Variants in ESS2 observed in about 807,000 individuals in gnomAD.
ESS2 encodes splicing factor ESS-2 homolog.
In ESS2, 31 loss-of-function variants were observed where a neutral mutation model predicts 52.0. The observed-to-expected ratio is 0.60, with a 90% CI of 0.45 to 0.81. The LOEUF (loss-of-function observed/expected upper bound fraction) is 0.81, where lower values mean the gene tolerates loss of function less well. ESS2 is among the 30% of genes least tolerant of loss of function. The pLI is 0.00. For missense variants in ESS2, 602 were observed against 637.2 expected (o/e 0.94, Z 0.59); for synonymous variants, 285 against 259.2 (o/e 1.10, Z -0.95).
At chr22:19,136,538 T>G (rs2083585392) in intron 8 of ESS2, among the ~76,000 whole-genome samples, 1 of 152,192 alleles carries the variant, frequency 6.6e-6, no homozygotes, top group Admixed American at 6.5e-5. Flanking sequence ...GCCATCTTTA[T>G]CGGGCCCCAA....
At chr22:19,144,128 G>C (rs750065229) in intron 1 of ESS2, 10 of 1,041,528 alleles carry the variant, frequency 9.6e-6, no homozygotes, top group Non-Finnish European at 1.0e-5. Context: ...ACTCACTCGA[G>C]ATGCTGTCAC....
At chr22:19,139,573 C>T (rs752799470) in intron 5 of ESS2, 39 bp downstream of exon 5, 14 of 1,575,540 alleles carry the variant, frequency 8.9e-6, no homozygotes, top group Non-Finnish European at 1.1e-5. Context: ...ACAGCTCTAC[C>T]CAACACCTCC....
Position 19,130,837 on chromosome 22 carries a change from G to T in ESS2, c.*3359C>A. 5.3e-6 allele frequency: 1 copy of T among 190,114 alleles called. No individual in the cohort carries two copies. The highest frequency in any genetic ancestry group is 1.1e-5 in the Non-Finnish European group (1 of 92,742). The allele number at this position is 190,114 out of a possible 1,614,324, so 11.8% of individuals were successfully genotyped here. A position where few individuals can be genotyped will look rare whatever the true frequency, so the allele number is the denominator to read the frequency against. ...TGGTAAGGCAGTGCTGTGGAAATCT[G>T]TCTGTGTAACTGGGGTGCTATGCAG... On this transcript the variant is annotated 3_prime_UTR_variant, in exon 10 of 10. Coordinates refer to ENST00000252137, the MANE Select transcript of ESS2 (RefSeq NM_022719.3).
intron 3 of ESS2, among the ~76,000 whole-genome samples, chr22:19,140,596 C>G (rs940154461): frequency 6.6e-6 from 1 of 151,074 alleles, no homozygotes; most frequent in Admixed American, 6.6e-5. Flanking sequence ...CCCCAAACAC[C>G]CCCCCCTCCG....
At position 19,142,524 on chromosome 22, in the gene ESS2, G is replaced by A. The variant is rs2146107847; in HGVS notation, c.400+14C>T. ...ATCCTGACCATGTGACTTAAAGAGG[G>A]CACCCTCACTCACCATCCTCCAGGC... On this transcript the variant is annotated intron_variant, in intron 3 of 9. Coordinates refer to ENST00000252137, the MANE Select transcript of ESS2 (RefSeq NM_022719.3). 1.9e-6 allele frequency: 3 copies of A among 1,585,758 alleles called. No individual in the cohort carries two copies. Among genetic ancestry groups the A allele is most frequent in the Non-Finnish European group, 2.6e-6 (3 of 1,168,442 alleles).
In ESS2 at chr22:19,142,856, A is replaced by G. The variant is rs779985037; in HGVS notation, c.174T>C (p.Asp58=). 4 of 1,614,014 alleles carry G rather than the reference A, an allele frequency of 2.5e-6. No individual in the cohort carries two copies. The highest frequency in any genetic ancestry group is 2.2e-5 in the East Asian group (1 of 44,876). ...CCTTCTGTGCCTGGAGCTTCTCCAC[A>G]TCAGGAAAGAAATCCCTTTGGATGA... The part of the protein sequence containing the change: ...QTVIQRDFFP[D]VEKLQAQKEY... The change falls in exon 2 of 10, where the codon GAT becomes GAC. Residue 58 remains aspartate, a synonymous_variant. Coordinates refer to ENST00000252137, the MANE Select transcript of ESS2 (RefSeq NM_022719.3).
At chr22:19,134,545 T>C in intron 9 of ESS2, 70 bp from the exon 10 acceptor site, 4 of 1,442,906 alleles carry the variant, frequency 2.8e-6, no homozygotes, top group Middle Eastern at 2.3e-4. Flanking sequence ...AGGGCCTCCC[T>C]TGGCTCCCAG....
chr22:19,135,304 C>T, intron 8 of ESS2, 129 bp from the exon 9 acceptor site: 1 of 695,838 alleles, frequency 1.4e-6, no homozygotes, highest in Non-Finnish European at 2.4e-6. Flanking sequence ...CAACCCATCA[C>T]CTCCCACTAA....
At chr22:19,139,357 C>T (rs2083642935) in intron 5 of ESS2, 65 bp from the exon 6 acceptor site, 8 of 1,502,340 alleles carry the variant, frequency 5.3e-6, no homozygotes, top group Non-Finnish European at 7.1e-6. Flanking sequence ...GCATGAGGAG[C>T]TCGCTTCTCG....
chr22:19,143,129 C>G (rs900087955), intron 1 of ESS2, among the ~76,000 whole-genome samples: 1 of 140,132 alleles, frequency 7.1e-6, no homozygotes, highest in African/African-American at 2.7e-5. Flanking sequence ...CGCTTAAACT[C>G]GGGAGGCGGA....
In ESS2 at chr22:19,139,846, C is replaced by T. The variant is rs1196603818; in HGVS notation, c.570+9G>A. The T allele has an allele frequency of 3.1e-6, 5 of 1,614,114 alleles. No homozygotes were observed. Among genetic ancestry groups the T allele is most frequent in the Non-Finnish European group, 4.2e-6 (5 of 1,179,972 alleles). ...TACGCCTATGTGACACCCCAGACCC[C>T]AGAGACACCTTCTCAAACTCTTCCT... is the stretch of plus-strand genomic sequence containing the variant. On this transcript the variant is annotated intron_variant, in intron 4 of 9. Coordinates refer to ENST00000252137, the MANE Select transcript of ESS2 (RefSeq NM_022719.3).
chr22:19,137,482 C>T, intron 7 of ESS2, 50 bp from the exon 8 acceptor site: 1 of 1,364,004 alleles, frequency 7.3e-7, no homozygotes, highest in Non-Finnish European at 1.0e-6. Flanking sequence ...CTCCCCACCA[C>T]CCTCCCCTCC....
In ESS2 at chr22:19,131,317, CG is replaced by C; in HGVS notation, c.*2878del. ...CCAGGGCAGCCCAGCCAGACGCCTCCGGTAGTGTAAATGAGGACAATGCCTG... is the reference window on the plus strand; with the variant it reads ...CCAGGGCAGCCCAGCCAGACGCCTCCGTAGTGTAAATGAGGACAATGCCTG... On this transcript the variant is annotated 3_prime_UTR_variant, in exon 10 of 10. Transcript: ENST00000252137. The surrounding 1 kb of genome is among the most constrained non-coding windows in gnomAD (Gnocchi z 5.7). 7.8e-7 allele frequency: 1 copy of C among 1,282,174 alleles called. No individual in the cohort carries two copies. The highest frequency in any genetic ancestry group is 1.9e-4 in the Middle Eastern group (1 of 5,226). 79.4% of individuals were successfully genotyped at this position (1,282,174 alleles called of 1,614,324 possible).
At position 19,144,641 on chromosome 22, in the gene ESS2, C is replaced by G; in HGVS notation, c.-1G>C. Reference sequence around the variant, plus strand: ...ACGCTGATGCGCCCGGCGTCTCCATCGCTATCCCAGGAAAAAGCTCGGGCC... The same window carrying G: ...ACGCTGATGCGCCCGGCGTCTCCATGGCTATCCCAGGAAAAAGCTCGGGCC... On this transcript the variant is annotated 5_prime_UTR_variant, in exon 1 of 10. Coordinates refer to ENST00000252137, the MANE Select transcript of ESS2 (RefSeq NM_022719.3). 3.3e-6 allele frequency: 5 copies of G among 1,510,356 alleles called. No homozygotes were observed. The highest frequency in any genetic ancestry group is 4.4e-6 in the Non-Finnish European group (5 of 1,123,646). The allele number at this position is 1,510,356 out of a possible 1,614,324, so 93.6% of individuals were successfully genotyped here. A position where few individuals can be genotyped will look rare whatever the true frequency, so the allele number is the denominator to read the frequency against.
intron 9 of ESS2, among the ~76,000 whole-genome samples, chr22:19,134,714 C>A (rs182341996): frequency 6.6e-6 from 1 of 152,130 alleles, no homozygotes; most frequent in Non-Finnish European, 1.5e-5. Flanking sequence ...CTGGGGTGCA[C>A]CCCCAGGCCT....
intron 8 of ESS2, among the ~76,000 whole-genome samples, chr22:19,136,625 G>A (rs2083586739): frequency 6.6e-6 from 1 of 152,110 alleles, no homozygotes. Context: ...GCAGTGGCAG[G>A]CATACCTCAG....
Position 19,135,121 on chromosome 22 carries a change from C to A in ESS2, c.1090G>T (p.Ala364Ser), listed in dbSNP as rs754673515. Residue 364 changes from alanine (A) to serine (S), a missense_variant, in exon 9 of 10, where the codon GCT becomes TCT. Physicochemically the swap from Ala to Ser is moderately conservative, Grantham distance 99 (BLOSUM62 1). Coordinates refer to ENST00000252137, the MANE Select transcript of ESS2 (RefSeq NM_022719.3). ...TGCTTCTTGGCCCGGTTCTTGGCAG[C>A]GGCCTCGTTGGCCATCTTCAGACCC... ...RLGLKMANEAAAKNRAKKQEA... is the reference protein window; with the variant it reads ...RLGLKMANEASAKNRAKKQEA... The A allele has an allele frequency of 6.2e-7, 1 of 1,614,020 alleles. No homozygotes were observed. The highest frequency in any genetic ancestry group is 8.5e-7 in the Non-Finnish European group (1 of 1,179,940).
rs1016552054 is a variant in ESS2 at position 19,137,074 on chromosome 22, C to T, written c.1035+249G>A. ...TCCTGCCTCATTCATGAACAGCACC[C>T]GGCCTCCAGGATCCAGAGGGCCCAA... On this transcript the variant is annotated intron_variant, in intron 8 of 9. Coordinates refer to ENST00000252137, the MANE Select transcript of ESS2 (RefSeq NM_022719.3). Among the ~76,000 whole-genome samples the T allele has an allele frequency of 3.9e-5, 6 of 152,274 alleles. No homozygotes were observed. In the East Asian group the frequency reaches 5.8e-4, roughly 15 times the overall value.
chr22:19,144,373 G>A lies in ESS2; in HGVS notation c.135+133C>T. 3.9e-6 allele frequency: 6 copies of A among 1,522,404 alleles called. No individual in the cohort carries two copies. The South Asian group carries it at 5.1e-5, about 13-fold the overall frequency. The allele number at this position is 1,522,404 out of a possible 1,614,324, so 94.3% of individuals were successfully genotyped here. A position where few individuals can be genotyped will look rare whatever the true frequency, so the allele number is the denominator to read the frequency against. ...TTCCTCTGCCCTGTTTACTTGACTCGTGGGACCGTCCACACCCGGCTCCTC... is the reference window on the plus strand; with the variant it reads ...TTCCTCTGCCCTGTTTACTTGACTCATGGGACCGTCCACACCCGGCTCCTC... On this transcript the variant is annotated intron_variant, in intron 1 of 9. Transcript: ENST00000252137.
Sources: allele counts gnomAD v4.1 joint callset (sites outside exome capture counted in the v4.1 genomes callset), GRCh38; gene constraint gnomAD v4.1.1; non-coding constraint Gnocchi (gnomAD v3.1); transcripts MANE v1.5; gene names NCBI Gene and HGNC (gene_info 2026-07-23, HGNC 2026-07-21).